The following CPPED1 variants were observed in gnomAD, a reference collection of about 807,000 sequenced individuals.
The protein encoded by CPPED1 is serine/threonine-protein phosphatase CPPED1.
A neutral mutation model predicts 28.0 loss-of-function variants in CPPED1; 28 were observed. The observed-to-expected ratio is 1.00, with a 90% CI of 0.74 to 1.37. CPPED1 has a LOEUF of 1.37. Among genes scored for constraint, CPPED1 ranks in the 40% most tolerant of loss-of-function variants. CPPED1 has a pLI of 0.00. For missense variants in CPPED1, 504 were observed against 416.5 expected (o/e 1.21, Z -1.83); for synonymous variants, 198 against 180.2 (o/e 1.10, Z -0.79).
At chr16:12,726,943 C>A (rs2080173212) in intron 2 of CPPED1, among the ~76,000 whole-genome samples, 1 of 152,068 alleles carries the variant, frequency 6.6e-6, no homozygotes, top group South Asian at 2.1e-4. Context: ...GGATGCTCAC[C>A]ATGCCTGTGA....
intron 3 of CPPED1, among the ~76,000 whole-genome samples, chr16:12,680,426 G>A (rs367731929): frequency 2.6e-5 from 4 of 152,022 alleles, no homozygotes; most frequent in Admixed American, 6.6e-5. Context: ...CTAGGTTGCC[G>A]GATGATCAAT....
intron 1 of CPPED1, among the ~76,000 whole-genome samples, chr16:12,795,587 G>A (rs373747411): frequency 6.6e-6 from 1 of 152,070 alleles, no homozygotes; most frequent in African/African-American, 2.4e-5. Context: ...CGATCCACTC[G>A]CCTCAGCCTC....
chr16:12,795,942 G>A (rs1462587093), intron 1 of CPPED1, among the ~76,000 whole-genome samples: 1 of 151,848 alleles, frequency 6.6e-6, no homozygotes, highest in Non-Finnish European at 1.5e-5. Context: ...AATTAGCCAG[G>A]TGCAGTGGCA....
In CPPED1 at chr16:12,682,081, T is replaced by C. The variant is rs556121473; in HGVS notation, c.716-16966A>G. 6.6e-6 allele frequency among the ~76,000 whole-genome samples: 1 copy of C among 152,138 alleles called. No homozygotes were observed. Among genetic ancestry groups the C allele is most frequent in the Non-Finnish European group, 1.5e-5 (1 of 68,022 alleles). On this transcript the variant is annotated intron_variant, in intron 3 of 3. Transcript: ENST00000381774. This position sits in a 1 kb window ranked among gnomAD's most constrained non-coding sequence, Gnocchi z 6.1. ...CAGTGTCTCTCTCGGTCGCCTATGT[T>C]GGAGTGCAGTGGCGCGATCTTGGCT...
In CPPED1 at chr16:12,803,852, G is replaced by A. The variant is rs932820352; in HGVS notation, c.-76C>T. ...CGCGACTTCACACAGAACAACCGCTGGACCTGTCCCGCTTTGGGCGACGCC... is the reference window on the plus strand; with the variant it reads ...CGCGACTTCACACAGAACAACCGCTAGACCTGTCCCGCTTTGGGCGACGCC... On this transcript the variant is annotated 5_prime_UTR_variant, in exon 1 of 4. Transcript: ENST00000381774. 4 of 1,400,862 alleles carry A rather than the reference G, an allele frequency of 2.9e-6. No individual in the cohort carries two copies. The highest frequency in any genetic ancestry group is 1.5e-5 in the African/African-American group (1 of 67,956). 86.8% of individuals were successfully genotyped at this position (1,400,862 alleles called of 1,614,324 possible).
At chr16:12,793,968 T>C (rs1300744607) in intron 1 of CPPED1, among the ~76,000 whole-genome samples, 4 of 152,172 alleles carry the variant, frequency 2.6e-5, no homozygotes, top group Non-Finnish European at 5.9e-5. Flanking sequence ...GCAATCTGCA[T>C]AGTGAATCAC....
chr16:12,773,580 G>A (rs1003968067), intron 2 of CPPED1, among the ~76,000 whole-genome samples: 4 of 152,036 alleles, frequency 2.6e-5, no homozygotes, highest in Non-Finnish European at 2.9e-5. Context: ...AAAATTAGCC[G>A]GGCATGGTGG....
At chr16:12,785,244 TTG>T (rs535072879) in intron 1 of CPPED1, among the ~76,000 whole-genome samples, 129 of 152,270 alleles carry the variant, frequency 8.5e-4, no homozygotes, top group Middle Eastern at 3.4e-3. Context: ...TGAAAGTGAA[TTG>T]TGTTTTTTTA....
At chr16:12,790,191 TGAAA>T (rs1224842384) in intron 1 of CPPED1, among the ~76,000 whole-genome samples, 1 of 152,248 alleles carries the variant, frequency 6.6e-6, no homozygotes, top group African/African-American at 2.4e-5. Context: ...ATATCCTGCC[TGAAA>T]GACAGATATT....
chr16:12,755,805 G>A (rs568804160), intron 2 of CPPED1, among the ~76,000 whole-genome samples: 1 of 152,280 alleles, frequency 6.6e-6, no homozygotes, highest in South Asian at 2.1e-4. Flanking sequence ...TGCATGGCAG[G>A]GGCGTGGTGG....
chr16:12,690,378 G>A (rs575102624), intron 3 of CPPED1, among the ~76,000 whole-genome samples: 2 of 152,150 alleles, frequency 1.3e-5, no homozygotes, highest in South Asian at 4.1e-4. Context: ...GCCAGGCGTG[G>A]TGGGGAGCAC....
intron 3 of CPPED1, among the ~76,000 whole-genome samples, chr16:12,673,531 C>A (rs754774221): frequency 1.1e-4 from 17 of 152,166 alleles, no homozygotes; most frequent in Non-Finnish European, 2.4e-4. Flanking sequence ...TATTGAGTGG[C>A]ATTAACAGAG....
intron 2 of CPPED1, among the ~76,000 whole-genome samples, chr16:12,766,966 C>T (rs73506402): frequency 0.036 from 5,406 of 151,514 alleles, 334 homozygotes; most frequent in African/African-American, 0.12. Context: ...ATTCAGATCC[C>T]AAGTCATTTT....
intron 1 of CPPED1, among the ~76,000 whole-genome samples, chr16:12,785,616 C>T (rs112077308): frequency 2.6e-5 from 4 of 151,998 alleles, no homozygotes; most frequent in South Asian, 4.2e-4. Context: ...TTAGTAGAGA[C>T]GGGGTTTCGC....
At chr16:12,705,163 C>T in intron 2 of CPPED1, 114 bp from the exon 3 acceptor site, 1 of 1,145,654 alleles carries the variant, frequency 8.7e-7, no homozygotes, top group Non-Finnish European at 1.2e-6. Flanking sequence ...GAAATCCACT[C>T]CACCTAGCAC....
intron 1 of CPPED1, 102 bp downstream of exon 1, chr16:12,803,605 G>A (rs2080674122): frequency 9.6e-7 from 1 of 1,042,176 alleles, no homozygotes; most frequent in Non-Finnish European, 1.3e-6. Flanking sequence ...TGCAGCCCCG[G>A]ATGGTGTCCG....
rs767213835 is a variant in CPPED1 at position 12,664,939 on chromosome 16, G to C, written c.892C>G (p.Leu298Val). The change falls in exon 4 of 4, where the codon CTG becomes GTG. Residue 298 changes from leucine (L) to valine (V), a missense_variant. Physicochemically the swap from Leu to Val is conservative, Grantham distance 32 (BLOSUM62 1). Transcript: ENST00000381774. This position sits in a 1 kb window ranked among gnomAD's most constrained non-coding sequence, Gnocchi z 4.2. ...IVHRYYSLDE[L>V]SEKGIEDDLM... ...TCGTCTTCTATTCCTTTCTCACTCA[G>C]CTCATCTAGACTGTAGTATCGGTGA... 1.8e-5 allele frequency: 29 copies of C among 1,607,214 alleles called. No individual in the cohort carries two copies. The highest frequency in any genetic ancestry group is 3.3e-4 in the Middle Eastern group (2 of 6,058).
intron 1 of CPPED1, among the ~76,000 whole-genome samples, chr16:12,794,331 T>C (rs1011767116): frequency 6.6e-6 from 1 of 152,164 alleles, no homozygotes; most frequent in Non-Finnish European, 1.5e-5. Flanking sequence ...ATTTACACTG[T>C]TGAATCAGAA....
Position 12,662,719 on chromosome 16 carries a change from T to C in CPPED1, c.*2167A>G, listed in dbSNP as rs980401459. On this transcript the variant is annotated 3_prime_UTR_variant, in exon 4 of 4. Transcript: ENST00000381774. ...CTGCAAAAGACATGGTTTCATTCTT[T>C]TTAGTGGCTGAATAGTATTCCATTA... 6.6e-6 allele frequency: 1 copy of C among 152,254 alleles called. No individual in the cohort carries two copies. Among genetic ancestry groups the C allele is most frequent in the African/African-American group, 2.4e-5 (1 of 41,468 alleles). The allele number at this position is 152,254 out of a possible 1,614,324, so 9.4% of individuals were successfully genotyped here.
Sources: allele counts gnomAD v4.1 joint callset (sites outside exome capture counted in the v4.1 genomes callset), GRCh38; gene constraint gnomAD v4.1.1; non-coding constraint Gnocchi (gnomAD v3.1); transcripts MANE v1.5; gene names NCBI Gene and HGNC (gene_info 2026-07-23, HGNC 2026-07-21).